Variants in PLD5 observed in about 807,000 individuals in gnomAD.
PLD5 encodes inactive phospholipase D5.
Under a neutral mutation model 61.1 loss-of-function variants are expected in PLD5, and 36 were observed. The observed-to-expected ratio is 0.59, with a 90% CI of 0.45 to 0.78. PLD5 has a LOEUF of 0.78. Among genes scored for constraint, PLD5 ranks in the 30% least tolerant of loss-of-function variants. The pLI, the probability that PLD5 is intolerant of heterozygous loss-of-function variation, is 0.00. For missense variants in PLD5, 515 were observed against 644.4 expected (o/e 0.80, Z 2.17); for synonymous variants, 243 against 242.8 (o/e 1.00, Z -0.01).
intron 1 of PLD5, among the ~76,000 whole-genome samples, chr1:242,354,265 G>A (rs572751247): frequency 1.3e-4 from 20 of 152,246 alleles, no homozygotes; most frequent in Admixed American, 2.6e-4. Flanking sequence ...CAACAACCTG[G>A]AAGTTATGGC....
In PLD5 at chr1:242,349,919, T is replaced by A. The variant is rs183701745; in HGVS notation, c.190-1677A>T. 5.9e-5 allele frequency among the ~76,000 whole-genome samples: 9 copies of A among 152,274 alleles called. No homozygotes were observed. The East Asian group carries it at 1.7e-3, about 29-fold the overall frequency. On this transcript the variant is annotated intron_variant, in intron 1 of 9. Transcript: ENST00000536534. The stretch of plus-strand genomic sequence containing the variant: ...TGGGCATGGTGACATGCACCTATAG[T>A]CCCAGCTAGTAAGGAGGCTGGGGTT...
At chr1:242,521,243 A>G (rs899794017) in intron 1 of PLD5, among the ~76,000 whole-genome samples, 1 of 152,228 alleles carries the variant, frequency 6.6e-6, no homozygotes, top group African/African-American at 2.4e-5. Flanking sequence ...CAGGAACCAT[A>G]TTTAAAGATT....
At chr1:242,269,286 A>G (rs1673905457) in intron 3 of PLD5, among the ~76,000 whole-genome samples, 4 of 152,234 alleles carry the variant, frequency 2.6e-5, no homozygotes, top group Admixed American at 2.0e-4. Context: ...TCAGTGTCTC[A>G]GGAACGCTGA....
At chr1:242,099,739 A>C (rs1396225475) in intron 9 of PLD5, among the ~76,000 whole-genome samples, 1 of 152,216 alleles carries the variant, frequency 6.6e-6, no homozygotes, top group Non-Finnish European at 1.5e-5. Flanking sequence ...TACAAAGTTA[A>C]AAGGGTACAT....
At chr1:242,271,406 C>T (rs1397598927) in intron 3 of PLD5, among the ~76,000 whole-genome samples, 1 of 151,890 alleles carries the variant, frequency 6.6e-6, no homozygotes, top group African/African-American at 2.4e-5. Flanking sequence ...GAAAAGGTAC[C>T]TGAAGGTGAA....
intron 1 of PLD5, among the ~76,000 whole-genome samples, chr1:242,466,330 A>G (rs1667275664): frequency 6.6e-6 from 1 of 152,194 alleles, no homozygotes; most frequent in Non-Finnish European, 1.5e-5. Flanking sequence ...AGAACTGTAG[A>G]AAAACGGACC....
At chr1:242,498,761 C>T (rs1386850551) in intron 1 of PLD5, among the ~76,000 whole-genome samples, 4 of 152,176 alleles carry the variant, frequency 2.6e-5, no homozygotes, top group Non-Finnish European at 5.9e-5. Context: ...ATTTTAAAGT[C>T]TGCCACATGT....
chr1:242,114,752 T>A (rs1661809538), intron 6 of PLD5, among the ~76,000 whole-genome samples: 1 of 152,160 alleles, frequency 6.6e-6, no homozygotes, highest in South Asian at 2.1e-4. Flanking sequence ...CCTGATGATC[T>A]GTCACTGTCT....
rs41305959 is a variant in PLD5 at position 242,107,659 on chromosome 1, C to T, written c.1239+12G>A. The T allele has an allele frequency of 3.6e-5, 56 of 1,573,090 alleles. No individual in the cohort carries two copies. The highest frequency in any genetic ancestry group is 1.7e-4 in the Middle Eastern group (1 of 5,848). On this transcript the variant is annotated intron_variant, in intron 8 of 9. Transcript: ENST00000536534. ...ACTTTTTATTTAATAACACAGTCAA[C>T]GTAATACTTACAACTTTCAAACTGC...
intron 1 of PLD5, 124 bp downstream of exon 1, chr1:242,523,963 AC>A: frequency 2.8e-6 from 3 of 1,058,708 alleles, no homozygotes; most frequent in Non-Finnish European, 3.9e-6. Flanking sequence ...CCGACCTAGG[AC>A]GTCGGCGCCT....
chr1:242,106,985 G>T (rs79825330), intron 8 of PLD5, among the ~76,000 whole-genome samples: 7,295 of 152,246 alleles, frequency 0.048, 232 homozygotes, highest in Middle Eastern at 0.16. Flanking sequence ...CACATTTCAG[G>T]TATTGCTAAT....
chr1:242,368,025 G>A (rs1661437345), intron 1 of PLD5, among the ~76,000 whole-genome samples: 1 of 152,132 alleles, frequency 6.6e-6, no homozygotes, highest in Admixed American at 6.6e-5. Flanking sequence ...ATAATTGGAA[G>A]GCCATTAGAC....
intron 6 of PLD5, among the ~76,000 whole-genome samples, chr1:242,123,651 C>CCA (rs1461092666): frequency 1.3e-5 from 2 of 152,234 alleles, no homozygotes; most frequent in East Asian, 1.9e-4. Context: ...CGTGCAAACT[C>CCA]CACACACACG....
chr1:242,101,487 G>A (rs1660683102), intron 8 of PLD5, among the ~76,000 whole-genome samples: 1 of 152,174 alleles, frequency 6.6e-6, no homozygotes, highest in Admixed American at 6.5e-5. Flanking sequence ...ATTTTCAGAT[G>A]AGGCTTAAAC....
chr1:242,164,401 A>AT (rs1666145577), intron 5 of PLD5, among the ~76,000 whole-genome samples: 1 of 79,968 alleles, frequency 1.3e-5, no homozygotes, highest in Non-Finnish European at 2.7e-5. Flanking sequence ...ATTGACAAAT[A>AT]TTAAAAAAAA....
intron 1 of PLD5, chr1:242,377,496 C>T (rs1662031507): frequency 3.1e-6 from 2 of 643,726 alleles, no homozygotes; most frequent in Non-Finnish European, 5.6e-6. Context: ...ACAGCTTCTT[C>T]CAACAAAAGC....
At chr1:242,506,407 T>A (rs1668722654) in intron 1 of PLD5, among the ~76,000 whole-genome samples, 1 of 152,112 alleles carries the variant, frequency 6.6e-6, no homozygotes, top group Non-Finnish European at 1.5e-5. Flanking sequence ...CAGACAGAGA[T>A]ATGAGCAGCT....
intron 6 of PLD5, among the ~76,000 whole-genome samples, chr1:242,119,460 C>T (rs1229474541): frequency 6.6e-6 from 1 of 152,062 alleles, no homozygotes; most frequent in Non-Finnish European, 1.5e-5. Flanking sequence ...GTTTAAGGGA[C>T]TTGTATACAG....
At chr1:242,517,491 A>C (rs998668411) in intron 1 of PLD5, among the ~76,000 whole-genome samples, 5 of 152,140 alleles carry the variant, frequency 3.3e-5, no homozygotes, top group African/African-American at 1.2e-4. Context: ...ATAGTAATTG[A>C]TTTTCAAATT....
Sources: gnomAD v4.1 joint callset for allele counts (sites outside exome capture counted in the v4.1 genomes callset) on GRCh38, gnomAD v4.1.1 for gene constraint, MANE v1.5 for transcripts, NCBI Gene and HGNC (gene_info 2026-07-23, HGNC 2026-07-21) for gene names.